The following SLC25A12 variants were observed in gnomAD, a reference collection of about 807,000 sequenced individuals.
SLC25A12 encodes solute carrier family 25 member 12.
A neutral mutation model predicts 83.3 loss-of-function variants in SLC25A12; 32 were observed. The ratio of observed to expected loss-of-function variants is 0.38; its 90% CI spans 0.29 to 0.52. The LOEUF (loss-of-function observed/expected upper bound fraction) is 0.52. SLC25A12 is among the 20% of genes least tolerant of loss of function. The pLI, the probability that SLC25A12 is intolerant of heterozygous loss-of-function variation, is 0.84. For missense variants in SLC25A12, 611 were observed against 835.6 expected (o/e 0.73, Z 3.31); for synonymous variants, 267 against 291.1 (o/e 0.92, Z 0.84).
At chr2:171,861,858 A>C (rs1685168064) in intron 3 of SLC25A12, among the ~76,000 whole-genome samples, 1 of 152,226 alleles carries the variant, frequency 6.6e-6, no homozygotes, top group African/African-American at 2.4e-5. Flanking sequence ...ACACTCTATT[A>C]GTTTTCCTTG....
At chr2:171,872,457 G>A (rs1310036863) in intron 2 of SLC25A12, among the ~76,000 whole-genome samples, 1 of 152,060 alleles carries the variant, frequency 6.6e-6, no homozygotes, top group Non-Finnish European at 1.5e-5. Flanking sequence ...GTTAAGAATA[G>A]GCAGGAGTGA....
rs1282578119 is a variant in SLC25A12 at position 171,890,293 on chromosome 2, T to A, written c.66+2912A>T. Among the ~76,000 whole-genome samples, 5 of 152,258 alleles carry A rather than the reference T, an allele frequency of 3.3e-5. 1 individual carries two copies. The South Asian group carries it at 1.0e-3, about 31-fold the overall frequency. On this transcript the variant is annotated intron_variant, in intron 2 of 17. Coordinates refer to ENST00000422440, the MANE Select transcript of SLC25A12 (RefSeq NM_003705.5). Reference sequence around the variant, plus strand: ...ACACGGTTAGCATGTATTTTTGTCTTCTATTATAGCTAAAATATTAATCAA... The same window carrying A: ...ACACGGTTAGCATGTATTTTTGTCTACTATTATAGCTAAAATATTAATCAA...
intron 17 of SLC25A12, among the ~76,000 whole-genome samples, chr2:171,786,086 G>A (rs1690482972): frequency 6.6e-6 from 1 of 151,922 alleles, no homozygotes. Context: ...ATTATTTAAA[G>A]AGAGATAGGC....
intron 6 of SLC25A12, among the ~76,000 whole-genome samples, chr2:171,835,968 T>C (rs1259701656): frequency 6.6e-6 from 1 of 152,184 alleles, no homozygotes; most frequent in African/African-American, 2.4e-5. Flanking sequence ...GCTATTATAG[T>C]AGGTCTATCT....
At position 171,892,609 on chromosome 2, in the gene SLC25A12, C is replaced by T. The variant is rs191000602; in HGVS notation, c.66+596G>A. Among the ~76,000 whole-genome samples, 472 of 149,716 alleles carry T rather than the reference C, an allele frequency of 3.2e-3. 2 individuals are homozygous for T. Among genetic ancestry groups the T allele is most frequent in the African/African-American group, 0.011 (449 of 40,786 alleles). The stretch of plus-strand genomic sequence containing the variant: ...AAGCAAAACAAAAAACTAAGCCAAC[C>T]TTTTTTTTTTCTTTTTTCTTTTCTT... On this transcript the variant is annotated intron_variant, in intron 2 of 17. Coordinates refer to ENST00000422440, the MANE Select transcript of SLC25A12 (RefSeq NM_003705.5).
chr2:171,888,787 T>G (rs1246452641), intron 2 of SLC25A12, among the ~76,000 whole-genome samples: 2 of 152,182 alleles, frequency 1.3e-5, no homozygotes, highest in Non-Finnish European at 2.9e-5. Flanking sequence ...GCTCAAAAGT[T>G]TAACAAAATA....
intron 15 of SLC25A12, among the ~76,000 whole-genome samples, chr2:171,789,442 AT>A (rs1690556127): frequency 1.3e-5 from 2 of 151,900 alleles, no homozygotes; most frequent in Admixed American, 1.3e-4. Context: ...GTTAGCCAGG[AT>A]GGTCTCGATC....
intron 10 of SLC25A12, 77 bp downstream of exon 10, chr2:171,815,044 T>C (rs1054370004): frequency 8.4e-7 from 1 of 1,196,212 alleles, no homozygotes; most frequent in Non-Finnish European, 1.2e-6. Context: ...AACTGCACCT[T>C]TGCTGATCTG....
intron 9 of SLC25A12, among the ~76,000 whole-genome samples, chr2:171,821,395 AGGTCACG>A (rs1684189084): frequency 6.6e-6 from 1 of 152,160 alleles, no homozygotes; most frequent in African/African-American, 2.4e-5. Context: ...AGGAACCAAC[AGGTCACG>A]GGGTATGTGT....
intron 4 of SLC25A12, among the ~76,000 whole-genome samples, chr2:171,849,067 T>G (rs983858561): frequency 1.3e-5 from 2 of 152,100 alleles, no homozygotes; most frequent in Admixed American, 1.3e-4. Context: ...GGCACATGCC[T>G]GTAGTCCAGC....
intron 8 of SLC25A12, 66 bp downstream of exon 8, chr2:171,833,897 C>T: frequency 1.1e-6 from 1 of 931,374 alleles, no homozygotes; most frequent in Non-Finnish European, 1.8e-6. Flanking sequence ...ACTAAAAGGA[C>T]ACCACTGCTT....
At chr2:171,801,452 T>A (rs1040797883) in intron 13 of SLC25A12, among the ~76,000 whole-genome samples, 1 of 152,186 alleles carries the variant, frequency 6.6e-6, no homozygotes, top group East Asian at 1.9e-4. Flanking sequence ...TTGCCCACAA[T>A]AGATATCATA....
In SLC25A12 at chr2:171,813,360, C is replaced by G. The variant is rs757436802; in HGVS notation, c.1150G>C (p.Gly384Arg). ...DCFKKVLRYEGFFGLYRGLIP... is the reference protein window; with the variant it reads ...DCFKKVLRYERFFGLYRGLIP... ...TCACCCCTGTAGAGTCCAAAGAAGC[C>G]CTCATAACGCAAGACTTTCTTAAAA... is the stretch of plus-strand genomic sequence containing the variant. Residue 384 changes from glycine (G) to arginine (R), a missense_variant, in exon 11 of 18, where the codon GGC (glycine) becomes CGC (arginine). Gly to Arg is a moderately radical substitution (Grantham distance 125). Transcript: ENST00000422440. 6.2e-7 allele frequency: 1 copy of G among 1,613,930 alleles called. No homozygotes were observed. Among genetic ancestry groups the G allele is most frequent in the South Asian group, 1.1e-5 (1 of 91,068 alleles).
chr2:171,785,107 G>T lies in SLC25A12; in HGVS notation c.*167C>A. ...GAAACAGCGTTGTGGTTTTTTCCCT[G>T]GGCAAATGATTATTTTATAAACAAG... On this transcript the variant is annotated 3_prime_UTR_variant, in exon 18 of 18. Coordinates refer to ENST00000422440, the MANE Select transcript of SLC25A12 (RefSeq NM_003705.5). 1.5e-6 allele frequency: 1 copy of T among 667,722 alleles called. No individual in the cohort carries two copies. The highest frequency in any genetic ancestry group is 1.7e-5 in the South Asian group (1 of 58,902). The allele number at this position is 667,722 out of a possible 1,614,324, so 41.4% of individuals were successfully genotyped here. A position where few individuals can be genotyped will look rare whatever the true frequency, so the allele number is the denominator to read the frequency against.
intron 13 of SLC25A12, among the ~76,000 whole-genome samples, chr2:171,799,550 T>C (rs373524239): frequency 6.6e-6 from 1 of 152,194 alleles, no homozygotes; most frequent in African/African-American, 2.4e-5. Flanking sequence ...GTGGGCTTTT[T>C]GCTTTACCGA....
chr2:171,854,254 T>C (rs1320966251), intron 4 of SLC25A12, among the ~76,000 whole-genome samples: 1 of 152,096 alleles, frequency 6.6e-6, no homozygotes, highest in African/African-American at 2.4e-5. Context: ...TGCCAAGATT[T>C]ATATGCAAAA....
Position 171,787,781 on chromosome 2 carries a change from C to T in SLC25A12, c.1744+8G>A. On this transcript the variant is annotated splice_region_variant and intron_variant, in intron 16 of 17. Coordinates refer to ENST00000422440, the MANE Select transcript of SLC25A12 (RefSeq NM_003705.5). ...CAGCCATTCTGTATGGCTCCAGCCC[C>T]TGCCTACCTGCAGTCCCTTTCCAAA... 1 of 1,614,202 alleles carries T rather than the reference C, an allele frequency of 6.2e-7. No individual in the cohort carries two copies. The highest frequency in any genetic ancestry group is 8.5e-7 in the Non-Finnish European group (1 of 1,180,024).
intron 8 of SLC25A12, among the ~76,000 whole-genome samples, chr2:171,833,428 C>A (rs985264617): frequency 6.6e-6 from 1 of 152,204 alleles, no homozygotes; most frequent in Admixed American, 6.5e-5. Flanking sequence ...GAAAGAAACA[C>A]AGGGTCTGGA....
intron 2 of SLC25A12, among the ~76,000 whole-genome samples, chr2:171,886,973 T>C (rs913554195): frequency 1.3e-5 from 2 of 152,212 alleles, no homozygotes; most frequent in Non-Finnish European, 2.9e-5. Context: ...CCTTTAATAC[T>C]TGATAATCTT....
Sources: gnomAD v4.1 joint callset for allele counts (sites outside exome capture counted in the v4.1 genomes callset) on GRCh38, gnomAD v4.1.1 for gene constraint, MANE v1.5 for transcripts, NCBI Gene and HGNC (gene_info 2026-07-23, HGNC 2026-07-21) for gene names.